ATP6V1E2: variants seen among roughly 807,000 people sequenced by gnomAD.
The protein encoded by ATP6V1E2 is V-type proton ATPase subunit E 2.
For synonymous variants in ATP6V1E2, 121 were observed against 104.2 expected, an observed-to-expected ratio of 1.16 and a Z score of -0.98; for missense variants, 308 against 273.3, an observed-to-expected ratio of 1.13 and a Z score of -0.90.
At chr2:46,523,554 G>A (rs7580254) in intron 4 of ATP6V1E2, among the ~76,000 whole-genome samples, 78,757 of 151,824 alleles carry the variant, frequency 0.52, 20,742 homozygotes, top group East Asian at 0.83. Flanking sequence ...GTAGATGTGC[G>A]ATGTTATTTC....
intron 1 of ATP6V1E2, chr2:46,541,859 A>C (rs1169415794): frequency 6.6e-6 from 1 of 152,326 alleles, no homozygotes; most frequent in Non-Finnish European, 1.5e-5. Flanking sequence ...GTTTCAGAGC[A>C]CTAGTGTGTA....
At chr2:46,533,201 GTGTA>G (rs1171846489) in intron 4 of ATP6V1E2, among the ~76,000 whole-genome samples, 1 of 131,740 alleles carries the variant, frequency 7.6e-6, no homozygotes, top group East Asian at 2.2e-4. Flanking sequence ...GTGCATGTAT[GTGTA>G]GATAGATAGA....
At chr2:46,525,212 C>G (rs1312064226) in intron 4 of ATP6V1E2, among the ~76,000 whole-genome samples, 1 of 151,898 alleles carries the variant, frequency 6.6e-6, no homozygotes, top group Admixed American at 6.5e-5. Context: ...CGGTGGCTCA[C>G]GCCTGTAATC....
intron 2 of ATP6V1E2, among the ~76,000 whole-genome samples, chr2:46,539,832 C>T: frequency 6.6e-6 from 1 of 152,228 alleles, no homozygotes; most frequent in African/African-American, 2.4e-5. Flanking sequence ...TCTGCAAATC[C>T]TTCCTCAACA....
chr2:46,531,318 T>C (rs1454002813), intron 4 of ATP6V1E2, among the ~76,000 whole-genome samples: 1 of 152,232 alleles, frequency 6.6e-6, no homozygotes, highest in Non-Finnish European at 1.5e-5. Flanking sequence ...TCACTTAGCA[T>C]AACGTTTTTG....
chr2:46,512,799 T>C lies in ATP6V1E2; in HGVS notation c.-88A>G, dbSNP rs2103818509. On this transcript the variant is annotated 5_prime_UTR_variant, in exon 5 of 5. Transcript: ENST00000522587. ...GACAATTTCAGGAGTGTCTCTGGAG[T>C]TCCACTTTCTCAGCTATACCAGTGA... 1.7e-6 allele frequency: 2 copies of C among 1,169,596 alleles called. No individual in the cohort carries two copies. Among genetic ancestry groups the C allele is most frequent in the Non-Finnish European group, 2.4e-6 (2 of 842,258 alleles). The allele number at this position is 1,169,596 out of a possible 1,614,324, so 72.5% of individuals were successfully genotyped here.
At chr2:46,531,746 T>C (rs757169175) in intron 4 of ATP6V1E2, among the ~76,000 whole-genome samples, 18 of 152,228 alleles carry the variant, frequency 1.2e-4, no homozygotes, top group African/African-American at 4.1e-4. Flanking sequence ...GGGTACCTCA[T>C]TGAGGTTTTT....
chr2:46,521,122 G>A (rs913857875), intron 4 of ATP6V1E2, among the ~76,000 whole-genome samples: 9 of 152,154 alleles, frequency 5.9e-5, no homozygotes, highest in African/African-American at 1.9e-4. Flanking sequence ...ATTTTGCTGA[G>A]GCCGATATCA....
intron 2 of ATP6V1E2, among the ~76,000 whole-genome samples, chr2:46,538,560 T>G (rs959112627): frequency 3.3e-5 from 5 of 152,108 alleles, no homozygotes; most frequent in African/African-American, 9.6e-5. Context: ...CAACAGGATC[T>G]CGGGGGTGAT....
chr2:46,529,780 A>G (rs893935834), intron 4 of ATP6V1E2, among the ~76,000 whole-genome samples: 6 of 150,968 alleles, frequency 4.0e-5, no homozygotes, highest in African/African-American at 9.9e-5. Context: ...TGATGATAAT[A>G]ATAATAATAA....
chr2:46,528,406 T>G (rs899095106), intron 4 of ATP6V1E2, among the ~76,000 whole-genome samples: 1 of 152,132 alleles, frequency 6.6e-6, no homozygotes, highest in Non-Finnish European at 1.5e-5. Flanking sequence ...TCTTTGAAGG[T>G]GGGAACAGGG....
intron 4 of ATP6V1E2, among the ~76,000 whole-genome samples, chr2:46,521,866 A>G (rs1666644495): frequency 1.3e-5 from 2 of 151,834 alleles, no homozygotes; most frequent in Admixed American, 1.3e-4. Flanking sequence ...AATTTTTTGT[A>G]TTTTTAGTAG....
intron 4 of ATP6V1E2, chr2:46,534,768 C>CCTTA (rs10667126): frequency 0.83 from 125,437 of 151,638 alleles, 51,980 homozygotes; most frequent in East Asian, 0.91. Flanking sequence ...TCTCCTAATG[C>CCTTA]CTTACCCTTT....
rs1169291954 is a variant in ATP6V1E2 at position 46,512,491 on chromosome 2, G to T, written c.221C>A (p.Thr74Asn). The T allele has an allele frequency of 1.2e-6, 2 of 1,614,120 alleles. No individual in the cohort carries two copies. The highest frequency in any genetic ancestry group is 1.7e-6 in the Non-Finnish European group (2 of 1,180,020). ...IEQQKKILMS[T>N]MRNQARLKVL... ...TTTCAGCCTCGCCTGATTCCTCATG[G>T]TGGACATCAGGATTTTCTTCTGCTG... The change falls in exon 5 of 5, where the codon ACC (threonine) becomes AAC (asparagine). Residue 74 changes from threonine (T) to asparagine (N), a missense_variant. Coordinates refer to ENST00000522587, the MANE Select transcript of ATP6V1E2 (RefSeq NM_001318063.2).
At chr2:46,523,118 G>A (rs187416362) in intron 4 of ATP6V1E2, among the ~76,000 whole-genome samples, 13 of 151,794 alleles carry the variant, frequency 8.6e-5, no homozygotes, top group African/African-American at 1.2e-4. Flanking sequence ...TAAGTTCCTC[G>A]TAAATTCTGG....
chr2:46,527,481 A>T (rs1220216749), intron 4 of ATP6V1E2, among the ~76,000 whole-genome samples: 1 of 152,152 alleles, frequency 6.6e-6, no homozygotes, highest in Admixed American at 6.6e-5. Flanking sequence ...TTGGCCTCCC[A>T]AAGTGCTGGG....
chr2:46,530,241 G>A lies in ATP6V1E2; in HGVS notation c.-102+5572C>T, dbSNP rs1182169874. ...ACAGCATGTGAGACACCAGGATGGC[G>A]CCAGGAGAGAAGCACTGGGCTGAAC... On this transcript the variant is annotated intron_variant, in intron 4 of 4. Coordinates refer to ENST00000522587, the MANE Select transcript of ATP6V1E2 (RefSeq NM_001318063.2). The surrounding 1 kb of genome is among the most constrained non-coding windows in gnomAD (Gnocchi z 5.2). Among the ~76,000 whole-genome samples, 1 of 152,102 alleles carries A rather than the reference G, an allele frequency of 6.6e-6. No individual in the cohort carries two copies. Among genetic ancestry groups the A allele is most frequent in the East Asian group, 1.9e-4 (1 of 5,192 alleles).
chr2:46,534,038 C>T (rs1373448488), intron 4 of ATP6V1E2, among the ~76,000 whole-genome samples: 1 of 152,104 alleles, frequency 6.6e-6, no homozygotes, highest in African/African-American at 2.4e-5. Flanking sequence ...TTACAAAGTG[C>T]CTCGCTTGAT....
chr2:46,532,368 C>G (rs1434345578), intron 4 of ATP6V1E2, among the ~76,000 whole-genome samples: 1 of 146,616 alleles, frequency 6.8e-6, no homozygotes, highest in Non-Finnish European at 1.5e-5. Context: ...TTACTGTTGG[C>G]TTATTAAAAA....
Sources: gnomAD v4.1 joint callset for allele counts (sites outside exome capture counted in the v4.1 genomes callset) on GRCh38, gnomAD v4.1.1 for gene constraint, Gnocchi (gnomAD v3.1) non-coding constraint, MANE v1.5 for transcripts, NCBI Gene and HGNC (gene_info 2026-07-23, HGNC 2026-07-21) for gene names.